CUEDC1: variants seen among roughly 807,000 people sequenced by gnomAD.
CUEDC1 encodes CUE domain containing 1, also known as CUE domain-containing protein 1.
In CUEDC1, 30 loss-of-function variants were observed where a neutral mutation model predicts 43.7. That is an observed-to-expected ratio of 0.69 (90% CI 0.51 to 0.93). The LOEUF (loss-of-function observed/expected upper bound fraction) is 0.93. CUEDC1 is among the 40% of genes least tolerant of loss of function. The pLI is 0.00. For synonymous variants in CUEDC1, 223 were observed against 223.6 expected (o/e 1.00, Z 0.02); for missense variants, 486 against 549.0 (o/e 0.89, Z 1.15).
intron 1 of CUEDC1, among the ~76,000 whole-genome samples, chr17:57,910,676 G>A (rs2074573401): frequency 6.6e-6 from 1 of 152,044 alleles, no homozygotes; most frequent in African/African-American, 2.4e-5. Flanking sequence ...AAAGAAAAAA[G>A]AAAAGAAATA....
intron 1 of CUEDC1, among the ~76,000 whole-genome samples, chr17:57,890,413 A>G (rs1405763376): frequency 6.6e-6 from 1 of 152,208 alleles, no homozygotes; most frequent in East Asian, 1.9e-4. Flanking sequence ...GCTGCTGAGC[A>G]CTGGCAGGGA....
At chr17:57,889,332 A>AG (rs1419295756) in intron 1 of CUEDC1, among the ~76,000 whole-genome samples, 2 of 152,030 alleles carry the variant, frequency 1.3e-5, no homozygotes, top group Non-Finnish European at 2.9e-5. Flanking sequence ...GGGAGATTCT[A>AG]GGGGGGTCTT....
chr17:57,868,058 G>T, intron 8 of CUEDC1, 92 bp downstream of exon 8: 1 of 1,075,690 alleles, frequency 9.3e-7, no homozygotes, highest in Non-Finnish European at 1.4e-6. Flanking sequence ...CCACTCCCAG[G>T]GGAGGGCACA....
Position 57,868,232 on chromosome 17 carries a change from T to C in CUEDC1, c.952A>G (p.Lys318Glu). The C allele has an allele frequency of 6.2e-7, 1 of 1,614,180 alleles. No homozygotes were observed. The highest frequency in any genetic ancestry group is 8.5e-7 in the Non-Finnish European group (1 of 1,180,014). ...LKHMGKSTRR[K>E]LFELARAFSE... ...AAGGCTCGGGCAAGTTCAAACAGTT[T>C]CCTCCGGGTGGCTGGGGGCAGAGAG... The change falls in exon 8 of 11, where the codon AAA (lysine) becomes GAA (glutamate). Residue 318 changes from lysine to glutamate, a missense_variant. Transcript: ENST00000577830.
chr17:57,871,401 G>A, intron 5 of CUEDC1, 32 bp from the exon 6 acceptor site: 1 of 1,591,292 alleles, frequency 6.3e-7, no homozygotes, highest in East Asian at 2.2e-5. Flanking sequence ...AGGTCAGGGA[G>A]GTTAGCTCCT....
At chr17:57,883,988 A>G (rs1376273374) in intron 2 of CUEDC1, among the ~76,000 whole-genome samples, 1 of 152,016 alleles carries the variant, frequency 6.6e-6, no homozygotes, top group Admixed American at 6.5e-5. Context: ...GTGGGACTGG[A>G]AAGGACTCAC....
intron 1 of CUEDC1, among the ~76,000 whole-genome samples, chr17:57,946,868 C>G (rs1450577189): frequency 6.6e-6 from 1 of 152,168 alleles, no homozygotes; most frequent in African/African-American, 2.4e-5. Context: ...CTGCCTTCCC[C>G]AACTCCATCT....
intron 1 of CUEDC1, among the ~76,000 whole-genome samples, chr17:57,937,102 A>G (rs2074869943): frequency 1.3e-5 from 2 of 150,992 alleles, no homozygotes; most frequent in African/African-American, 4.9e-5. Flanking sequence ...TACAGGTGTG[A>G]GCCACCGCAC....
At position 57,896,622 on chromosome 17, in the gene CUEDC1, A is replaced by T. The variant is rs1241651278; in HGVS notation, c.-315-10743T>A. Reference sequence around the variant, plus strand: ...GATAGATCAAGGAAATTTTTCCACTACAGATTCTTGTATACCTCTAAAATT... The same window carrying T: ...GATAGATCAAGGAAATTTTTCCACTTCAGATTCTTGTATACCTCTAAAATT... On this transcript the variant is annotated intron_variant, in intron 1 of 10. Transcript: ENST00000577830. Among the ~76,000 whole-genome samples the T allele has an allele frequency of 5.3e-5, 8 of 151,874 alleles. No individual in the cohort carries two copies. In the East Asian group the frequency reaches 1.5e-3, roughly 29 times the overall value.
At chr17:57,946,087 G>A (rs1246294224) in intron 1 of CUEDC1, among the ~76,000 whole-genome samples, 6 of 152,120 alleles carry the variant, frequency 3.9e-5, no homozygotes, top group Non-Finnish European at 8.8e-5. Flanking sequence ...GAGAGATTGA[G>A]TAACTTGCCC....
chr17:57,874,553 G>A (rs1807801104), intron 3 of CUEDC1, among the ~76,000 whole-genome samples: 1 of 152,198 alleles, frequency 6.6e-6, no homozygotes, highest in African/African-American at 2.4e-5. Context: ...CTGACCCCCA[G>A]GCTCCCGCCC....
chr17:57,896,487 G>GGCGGGGTGTGT, intron 1 of CUEDC1, among the ~76,000 whole-genome samples: 2 of 130,372 alleles, frequency 1.5e-5, no homozygotes, highest in East Asian at 4.1e-4. Context: ...TGCATTATGG[G>GGCGGGGTGTGT]GTGTGTGTGT....
Position 57,950,921 on chromosome 17 carries a change from C to A in CUEDC1, c.-316+4304G>T, listed in dbSNP as rs561709936. On this transcript the variant is annotated intron_variant, in intron 1 of 10. Transcript: ENST00000577830. ...TCTCACTGGTTATGCCTCCTCACCC[C>A]TCCCCCAGCTTACAGGGCAAATTCT... Among the ~76,000 whole-genome samples, 3 of 152,294 alleles carry A rather than the reference C, an allele frequency of 2.0e-5. No individual in the cohort carries two copies. In the East Asian group the frequency reaches 5.8e-4, roughly 29 times the overall value.
intron 1 of CUEDC1, among the ~76,000 whole-genome samples, chr17:57,921,926 A>C (rs908343552): frequency 1.3e-5 from 2 of 152,182 alleles, no homozygotes; most frequent in African/African-American, 4.8e-5. Context: ...CAGCCTGGCC[A>C]ACATGGTGAA....
chr17:57,864,542 G>T lies in CUEDC1; in HGVS notation c.*4-1257C>A, dbSNP rs17221870. Among the ~76,000 whole-genome samples the T allele has an allele frequency of 0.025, 3,808 of 152,208 alleles. 273 individuals carry two copies. In the East Asian group the frequency reaches 0.29, roughly 11 times the overall value. On this transcript the variant is annotated intron_variant, in intron 10 of 10. Coordinates refer to ENST00000577830, the MANE Select transcript of CUEDC1 (RefSeq NM_001271875.2). ...TTCAGGAGAGATCAGGGGAGTGCGT[G>T]TGGAAGAGCACCATAAGAATGCAGA...
Position 57,871,276 on chromosome 17 carries a change from G to T in CUEDC1, c.868+10C>A. 6.2e-7 allele frequency: 1 copy of T among 1,609,266 alleles called. No homozygotes were observed. The highest frequency in any genetic ancestry group is 8.5e-7 in the Non-Finnish European group (1 of 1,175,576). Reference sequence around the variant, plus strand: ...GCCTCTAGGTTTTCTTCCCCAGAAGGCAAAGTTACCTGGGACAGGAGAGGA... The same window carrying T: ...GCCTCTAGGTTTTCTTCCCCAGAAGTCAAAGTTACCTGGGACAGGAGAGGA... On this transcript the variant is annotated intron_variant, in intron 6 of 10. Transcript: ENST00000577830.
intron 2 of CUEDC1, among the ~76,000 whole-genome samples, chr17:57,884,284 G>C (rs926790787): frequency 1.5e-5 from 2 of 134,120 alleles, no homozygotes; most frequent in Admixed American, 1.8e-4. Context: ...TGCAACCTCT[G>C]CCTCCCGGGT....
chr17:57,869,380 T>C (rs1367340264), intron 6 of CUEDC1, among the ~76,000 whole-genome samples, 187 bp from the exon 7 acceptor site: 4 of 152,134 alleles, frequency 2.6e-5, no homozygotes, highest in Non-Finnish European at 5.9e-5. Context: ...CTTTGTTTCC[T>C]CCTCTGTAAA....
chr17:57,883,803 TC>T (rs2074248638), intron 2 of CUEDC1, among the ~76,000 whole-genome samples: 1 of 152,174 alleles, frequency 6.6e-6, no homozygotes, highest in African/African-American at 2.4e-5. Flanking sequence ...GGGTCGGGAC[TC>T]AATAAAGAGT....
Sources: gnomAD v4.1 joint callset for allele counts (sites outside exome capture counted in the v4.1 genomes callset) on GRCh38, gnomAD v4.1.1 for gene constraint, MANE v1.5 for transcripts, NCBI Gene and HGNC (gene_info 2026-07-23, HGNC 2026-07-21) for gene names.